SSU72L3: variants seen among roughly 807,000 people sequenced by gnomAD.
SSU72L3 encodes the protein RNA polymerase II subunit A C-terminal domain phosphatase SSU72 like protein 3.
the SSU72L3 span, chr11:4,330,594 T>A: frequency 3.6e-4 from 197 of 544,806 alleles, no homozygotes; most frequent in East Asian, 5.8e-3. Context: ...AAAGAGACTA[T>A]TACCAAGAAA....
At chr11:4,330,354 C>A in the SSU72L3 span, 346,280 of 746,550 alleles carry the variant, frequency 0.46, 81,919 homozygotes, top group Non-Finnish European at 0.5. Context: ...GTGCCTGCAG[C>A]AGTCAGACGA....
the SSU72L3 span, chr11:4,330,486 A>G: frequency 1.6e-6 from 1 of 606,116 alleles, no homozygotes; most frequent in Non-Finnish European, 2.9e-6. Context: ...CTCAGTAAGA[A>G]CTTAGGCATG....
the SSU72L3 span, chr11:4,330,593 A>G: frequency 1.8e-6 from 1 of 545,536 alleles, no homozygotes; most frequent in Non-Finnish European, 3.2e-6. Flanking sequence ...GAAAGAGACT[A>G]TTACCAAGAA....
chr11:4,330,495 T>C, the SSU72L3 span: 1 of 604,034 alleles, frequency 1.7e-6, no homozygotes, highest in Non-Finnish European at 2.9e-6. Flanking sequence ...AACTTAGGCA[T>C]GGGACTTTAG....
chr11:4,330,191 C>G, the SSU72L3 span: 8 of 737,996 alleles, frequency 1.1e-5, no homozygotes, highest in South Asian at 9.1e-5. Context: ...ATGTCATCTT[C>G]ACCTGTGAGG....
chr11:4,330,286 T>C, the SSU72L3 span: 6 of 758,876 alleles, frequency 7.9e-6, no homozygotes, highest in Non-Finnish European at 1.4e-5. Context: ...AACATGGACA[T>C]CCAAGATACC....
At chr11:4,330,613 T>C in the SSU72L3 span, among the ~76,000 whole-genome samples, 1 of 152,076 alleles carries the variant, frequency 6.6e-6, no homozygotes, top group Non-Finnish European at 1.5e-5. Context: ...AAATATTTTA[T>C]GGGAAATGAG....
the SSU72L3 span, chr11:4,330,144 G>C: frequency 1.3e-6 from 1 of 749,668 alleles, no homozygotes; most frequent in Non-Finnish European, 2.5e-6. Flanking sequence ...AATCAAGCCC[G>C]GTCCAGAAAG....
the SSU72L3 span, among the ~76,000 whole-genome samples, chr11:4,330,790 ATTTG>A: frequency 6.6e-6 from 1 of 151,588 alleles, no homozygotes; most frequent in Non-Finnish European, 1.5e-5. Context: ...TGGAAAAATG[ATTTG>A]TTTAAGGGTA....
At chr11:4,330,363 G>A in the SSU72L3 span, 33 of 760,752 alleles carry the variant, frequency 4.3e-5, 1 homozygote, top group East Asian at 1.2e-4. Context: ...GCAGTCAGAC[G>A]ACATAGAAGA....
chr11:4,330,558 G>A, the SSU72L3 span: 17 of 579,072 alleles, frequency 2.9e-5, no homozygotes, highest in East Asian at 4.8e-4. Context: ...AGTACTGTTT[G>A]TGTGACTTTT....
chr11:4,330,761 C>T, the SSU72L3 span, among the ~76,000 whole-genome samples: 17 of 150,144 alleles, frequency 1.1e-4, no homozygotes, highest in Non-Finnish European at 1.9e-4. Context: ...ATAAGCAAAC[C>T]GAGCTGATAA....
chr11:4,330,329 C>T, the SSU72L3 span: 1 of 760,634 alleles, frequency 1.3e-6, no homozygotes, highest in East Asian at 2.4e-5. Context: ...CTTTCCTCAT[C>T]TGTGAGATTT....
chr11:4,330,253 C>A, the SSU72L3 span: 5 of 748,274 alleles, frequency 6.7e-6, no homozygotes, highest in South Asian at 1.4e-5. Context: ...GAACAGCAGA[C>A]CTTTCAGCCT....
chr11:4,330,016 G>A, the SSU72L3 span: 280 of 774,002 alleles, frequency 3.6e-4, 1 homozygote, highest in Non-Finnish European at 4.9e-4. Context: ...AGACCCAATC[G>A]TCCTGTAGTT....
the SSU72L3 span, chr11:4,330,405 G>T: frequency 1.4e-6 from 1 of 739,606 alleles, no homozygotes; most frequent in Non-Finnish European, 2.5e-6. Flanking sequence ...GCAAATGGAG[G>T]AGAAGGCAGG....
chr11:4,330,097 G>C, the SSU72L3 span: 25 of 764,834 alleles, frequency 3.3e-5, no homozygotes, highest in Non-Finnish European at 9.7e-6. Flanking sequence ...CGCTACACCC[G>C]CAACGGAATC....
the SSU72L3 span, chr11:4,330,358 C>G: frequency 1.3e-6 from 1 of 760,790 alleles, no homozygotes; most frequent in East Asian, 2.4e-5. Context: ...CTGCAGCAGT[C>G]AGACGACATA....
the SSU72L3 span, among the ~76,000 whole-genome samples, chr11:4,330,761 C>G: frequency 7.2e-3 from 993 of 138,192 alleles, no homozygotes; most frequent in East Asian, 0.025. Context: ...ATAAGCAAAC[C>G]GAGCTGATAA....
Sources: allele counts gnomAD v4.1 joint callset (sites outside exome capture counted in the v4.1 genomes callset), GRCh38; gene constraint gnomAD v4.1.1; transcripts MANE v1.5; gene names NCBI Gene and HGNC (gene_info 2026-07-23, HGNC 2026-07-21).